LYZL2: variants seen among roughly 807,000 people sequenced by gnomAD.
LYZL2 encodes lysozyme-like protein 2.
Under a neutral mutation model 17.1 loss-of-function variants are expected in LYZL2, and 13 were observed. That is an observed-to-expected ratio of 0.76 (90% CI 0.49 to 1.21). The LOEUF is 1.21. LYZL2 is among the 50% of genes most tolerant of loss of function. The pLI, the probability that LYZL2 is intolerant of heterozygous loss-of-function variation, is 0.00. For synonymous variants in LYZL2, 63 were observed against 74.4 expected (o/e 0.85, Z 0.79); for missense variants, 166 against 189.2 (o/e 0.88, Z 0.72).
At chr10:30,608,743 T>C (rs1838401144), downstream of LYZL2, among the ~76,000 whole-genome samples, 1 of 152,202 alleles carries the variant, frequency 6.6e-6, no homozygotes, top group African/African-American at 2.4e-5. Flanking sequence ...TGAACTTGAT[T>C]TGAAAACAAA....
chr10:30,624,922 G>T (rs932444556), intron 3 of LYZL2, among the ~76,000 whole-genome samples: 1 of 152,154 alleles, frequency 6.6e-6, no homozygotes, highest in Admixed American at 6.5e-5. Flanking sequence ...AAAGGGACTC[G>T]ACCCACTATT....
downstream of LYZL2, among the ~76,000 whole-genome samples, chr10:30,608,632 G>A (rs1194518747): frequency 6.6e-6 from 1 of 152,196 alleles, no homozygotes; most frequent in South Asian, 2.1e-4. Flanking sequence ...TGGCCCCTGG[G>A]CGATAGTTAC....
chr10:30,607,163 T>C (rs75888572), downstream of LYZL2, among the ~76,000 whole-genome samples: 10 of 7,020 alleles, frequency 1.4e-3, no homozygotes, highest in African/African-American at 5.8e-3. Flanking sequence ...CCACCCGCCT[T>C]GGCCTCCCAA....
chr10:30,625,101 C>T (rs12411921), intron 3 of LYZL2, among the ~76,000 whole-genome samples: 1 of 152,096 alleles, frequency 6.6e-6, no homozygotes, highest in Non-Finnish European at 1.5e-5. Flanking sequence ...ATGGATTTTC[C>T]TACAGAGCCT....
At chr10:30,611,570 G>GGAAGGAAGGAAAGAAAGAAAGAAA (rs1491344870), downstream of LYZL2, among the ~76,000 whole-genome samples, 22 of 54,110 alleles carry the variant, frequency 4.1e-4, no homozygotes, top group Non-Finnish European at 4.9e-4. Flanking sequence ...AAGGAAGGAA[G>GGAAGGAAGGAAAGAAAGAAAGAAA]GAAAGAAAGA....
At chr10:30,623,301 AT>A (rs35984201) in intron 3 of LYZL2, among the ~76,000 whole-genome samples, 1 of 151,866 alleles carries the variant, frequency 6.6e-6, no homozygotes, top group East Asian at 1.9e-4. Flanking sequence ...TAAAATACAC[AT>A]TTTTTTTCCA....
At position 30,616,835 on chromosome 10, in the gene LYZL2, A is replaced by C. The variant is rs12569562; in HGVS notation, c.299-3935T>G. ...CTTAAGCAAGATTCCTGCTCATGGA[A>C]CACTATATGCTAATAAAGTTGATAA... On this transcript the variant is annotated intron_variant, in intron 3 of 4. Transcript: ENST00000647634. Among the ~76,000 whole-genome samples, 67 of 143,176 alleles carry C rather than the reference A, an allele frequency of 4.7e-4. 1 individual carries two copies. The East Asian group carries it at 0.011, about 23-fold the overall frequency. The allele number at this position is 143,176 out of a possible 152,430, so 93.9% of individuals were successfully genotyped here.
At chr10:30,618,724 T>C (rs996361661) in intron 3 of LYZL2, among the ~76,000 whole-genome samples, 1 of 152,162 alleles carries the variant, frequency 6.6e-6, no homozygotes, top group African/African-American at 2.4e-5. Flanking sequence ...ATAAAAACCC[T>C]AGAAGAAAAC....
chr10:30,607,165 G>T (rs1397516796), downstream of LYZL2, among the ~76,000 whole-genome samples: 1 of 137,144 alleles, frequency 7.3e-6, no homozygotes, highest in Non-Finnish European at 1.7e-5. Context: ...ACCCGCCTTG[G>T]CCTCCCAAAG....
rs961369082 is a variant in LYZL2, at chr10:30,626,063, C to G, written c.298+42G>C. On this transcript the variant is annotated intron_variant, in intron 3 of 4. Transcript: ENST00000647634. ...GGTGATCCCATTGTCGGCTTTCTCA[C>G]CTGGTCCTGAGGATGGCATCACTGG... 2.5e-6 allele frequency: 4 copies of G among 1,589,366 alleles called. No homozygotes were observed. In the South Asian group the frequency reaches 4.6e-5, roughly 18 times the overall value.
rs1168030982 is a variant in LYZL2, at chr10:30,617,022, A to G, written c.299-4122T>C. On this transcript the variant is annotated intron_variant, in intron 3 of 4. Coordinates refer to ENST00000647634, the MANE Select transcript of LYZL2 (RefSeq NM_183058.3). The stretch of plus-strand genomic sequence containing the variant: ...CTTTATTTCGGGTGCATAAGTGCTT[A>G]ATAAATGCTGAGACACTCGTTTGTG... Among the ~76,000 whole-genome samples, 7 of 152,224 alleles carry G rather than the reference A, an allele frequency of 4.6e-5. No individual in the cohort carries two copies. The South Asian group carries it at 1.0e-3, about 23-fold the overall frequency.
At chr10:30,615,825 G>A (rs1490969311) in intron 3 of LYZL2, among the ~76,000 whole-genome samples, 1 of 151,876 alleles carries the variant, frequency 6.6e-6, no homozygotes, top group Admixed American at 6.6e-5. Flanking sequence ...GGTTCTGTTT[G>A]ACAGCACAGA....
intron 3 of LYZL2, among the ~76,000 whole-genome samples, chr10:30,623,309 TC>T (rs773595904): frequency 3.9e-5 from 6 of 152,286 alleles, no homozygotes; most frequent in African/African-American, 7.2e-5. Context: ...ACATTTTTTT[TC>T]CAAATGCACA....
chr10:30,620,078 T>C (rs1019540067), intron 3 of LYZL2, among the ~76,000 whole-genome samples: 6 of 152,220 alleles, frequency 3.9e-5, no homozygotes, highest in African/African-American at 1.2e-4. Flanking sequence ...ACAAGGAGAA[T>C]AGAAGGATCG....
chr10:30,619,769 T>C (rs1838591427), intron 3 of LYZL2, among the ~76,000 whole-genome samples: 1 of 152,012 alleles, frequency 6.6e-6, no homozygotes, highest in Non-Finnish European at 1.5e-5. Flanking sequence ...ATGGCACATG[T>C]ATACATATGT....
intron 3 of LYZL2, among the ~76,000 whole-genome samples, chr10:30,621,406 C>T (rs12573145): frequency 0.15 from 21,749 of 149,270 alleles, 1,701 homozygotes; most frequent in East Asian, 0.28. Context: ...ATGACGAGAC[C>T]CCATCTCCAC....
chr10:30,616,584 T>C (rs78823977), intron 3 of LYZL2, among the ~76,000 whole-genome samples: 17,251 of 152,284 alleles, frequency 0.11, 1,047 homozygotes, highest in South Asian at 0.18. Context: ...ATATTTAGGA[T>C]AATAACAGCT....
intron 3 of LYZL2, among the ~76,000 whole-genome samples, chr10:30,618,876 A>T (rs1427368595): frequency 6.6e-6 from 1 of 152,264 alleles, no homozygotes; most frequent in Non-Finnish European, 1.5e-5. Flanking sequence ...AACTACCATC[A>T]GAGTGAACAG....
intron 3 of LYZL2, among the ~76,000 whole-genome samples, chr10:30,615,784 C>T (rs1034919278): frequency 6.6e-6 from 1 of 151,306 alleles, no homozygotes; most frequent in African/African-American, 2.4e-5. Flanking sequence ...CTAGCTACAT[C>T]TCAGATACTT....
Sources: gnomAD v4.1 joint callset for allele counts (sites outside exome capture counted in the v4.1 genomes callset) on GRCh38, gnomAD v4.1.1 for gene constraint, MANE v1.5 for transcripts, NCBI Gene and HGNC (gene_info 2026-07-23, HGNC 2026-07-21) for gene names.